The following ANKS1B variants were observed in gnomAD, a reference collection of about 807,000 sequenced individuals.
ANKS1B encodes the protein ankyrin repeat and sterile alpha motif domain-containing protein 1B.
In ANKS1B, 36 loss-of-function variants were observed where a neutral mutation model predicts 148.3. The observed-to-expected ratio is 0.24, with a 90% CI of 0.19 to 0.32. The LOEUF is 0.32. Ranked by LOEUF, ANKS1B falls within the 10% of genes least tolerant of loss-of-function variation. ANKS1B has a pLI of 1.00. For missense variants in ANKS1B, 1,157 were observed against 1,542.6 expected (o/e 0.75, Z 4.19); for synonymous variants, 542 against 560.8 (o/e 0.97, Z 0.47).
intron 14 of ANKS1B, among the ~76,000 whole-genome samples, chr12:99,213,700 T>C (rs2083696826): frequency 6.6e-6 from 1 of 152,206 alleles, no homozygotes; most frequent in Non-Finnish European, 1.5e-5. Context: ...ATTTCACCAG[T>C]TCTAACATGC....
chr12:99,591,571 C>T lies in ANKS1B; in HGVS notation c.1272+63496G>A, dbSNP rs529306819. On this transcript the variant is annotated intron_variant, in intron 9 of 26. Transcript: ENST00000683438. ...AGGGTAACTATTTTTCCAGTAAATA[C>T]CATAGTGTGGACTCTTGAGAGACCA... 2.4e-4 allele frequency among the ~76,000 whole-genome samples: 36 copies of T among 152,046 alleles called. No homozygotes were observed. In the South Asian group the frequency reaches 5.8e-3, roughly 25 times the overall value.
intron 1 of ANKS1B, among the ~76,000 whole-genome samples, chr12:99,837,321 C>T (rs375071984): frequency 1.1e-4 from 16 of 152,276 alleles, no homozygotes; most frequent in African/African-American, 3.4e-4. Context: ...TATAGGATAA[C>T]AGATTTGTGT....
chr12:99,655,435 A>G (rs11109979), intron 8 of ANKS1B, among the ~76,000 whole-genome samples: 20,088 of 152,092 alleles, frequency 0.13, 1,985 homozygotes, highest in East Asian at 0.45. Context: ...AAAATAATAT[A>G]TGAAGTTCAT....
intron 9 of ANKS1B, among the ~76,000 whole-genome samples, chr12:99,526,225 T>C (rs984929336): frequency 6.6e-6 from 1 of 152,202 alleles, no homozygotes; most frequent in Non-Finnish European, 1.5e-5. Flanking sequence ...AAAGTGTGAA[T>C]TGATGTAAAC....
intron 17 of ANKS1B, among the ~76,000 whole-genome samples, chr12:98,901,576 G>T (rs2099772139): frequency 6.6e-6 from 1 of 152,236 alleles, no homozygotes; most frequent in Non-Finnish European, 1.5e-5. Flanking sequence ...TCATGACATT[G>T]TGGAACTTTA....
intron 12 of ANKS1B, among the ~76,000 whole-genome samples, chr12:99,383,502 T>C (rs1215504311): frequency 1.3e-5 from 2 of 152,240 alleles, no homozygotes; most frequent in Admixed American, 6.5e-5. Flanking sequence ...GACCATATCA[T>C]GTTCTCACTT....
chr12:98,964,937 A>G (rs1235139240), intron 17 of ANKS1B, among the ~76,000 whole-genome samples: 1 of 152,230 alleles, frequency 6.6e-6, no homozygotes, highest in African/African-American at 2.4e-5. Context: ...ACTATAGTCA[A>G]CAATAATTTA....
chr12:99,597,612 C>A (rs112222584), intron 9 of ANKS1B, among the ~76,000 whole-genome samples: 3,117 of 152,044 alleles, frequency 0.021, 90 homozygotes, highest in African/African-American at 0.071. Context: ...AGCAGAATGT[C>A]CAAAAGGTGA....
intron 9 of ANKS1B, among the ~76,000 whole-genome samples, chr12:99,600,748 T>G (rs1401104471): frequency 6.6e-6 from 1 of 152,052 alleles, no homozygotes; most frequent in African/African-American, 2.4e-5. Context: ...CTTAATCTAA[T>G]CTAAACTGCA....
chr12:98,886,394 T>C (rs1203052071), intron 17 of ANKS1B, among the ~76,000 whole-genome samples: 3 of 152,180 alleles, frequency 2.0e-5, no homozygotes, highest in Non-Finnish European at 2.9e-5. Flanking sequence ...ACACTTCTGA[T>C]AGTTGAATTA....
intron 12 of ANKS1B, among the ~76,000 whole-genome samples, chr12:99,322,485 A>G (rs1264956082): frequency 6.6e-6 from 1 of 151,874 alleles, no homozygotes; most frequent in Non-Finnish European, 1.5e-5. Flanking sequence ...AGTAAAAAAA[A>G]AAAAAAAAGA....
At chr12:98,769,542 T>A (rs987458245) in intron 25 of ANKS1B, among the ~76,000 whole-genome samples, 9 of 152,192 alleles carry the variant, frequency 5.9e-5, no homozygotes, top group African/African-American at 2.2e-4. Flanking sequence ...AAGGCAATTC[T>A]CTACATGTTT....
At chr12:99,541,618 T>C (rs1483450243) in intron 9 of ANKS1B, among the ~76,000 whole-genome samples, 3 of 152,066 alleles carry the variant, frequency 2.0e-5, no homozygotes, top group South Asian at 4.1e-4. Flanking sequence ...CCCAGCACTT[T>C]GGGAGGTGAG....
At chr12:98,863,007 A>G (rs1171287328) in intron 17 of ANKS1B, among the ~76,000 whole-genome samples, 1 of 152,188 alleles carries the variant, frequency 6.6e-6, no homozygotes, top group Non-Finnish European at 1.5e-5. Context: ...CTCCTGACAC[A>G]TTTACAACAG....
At chr12:99,305,681 G>T (rs1475554100) in intron 12 of ANKS1B, among the ~76,000 whole-genome samples, 3 of 152,174 alleles carry the variant, frequency 2.0e-5, no homozygotes, top group Non-Finnish European at 2.9e-5. Context: ...TCAAATAGGG[G>T]ATTCTCTCTA....
chr12:98,875,250 G>T (rs1299930786), intron 17 of ANKS1B, among the ~76,000 whole-genome samples: 1 of 152,120 alleles, frequency 6.6e-6, no homozygotes, highest in Non-Finnish European at 1.5e-5. Context: ...ATTATTACCA[G>T]AGCCCAGTAT....
At chr12:99,848,714 C>T (rs1403278165) in intron 1 of ANKS1B, among the ~76,000 whole-genome samples, 1 of 151,770 alleles carries the variant, frequency 6.6e-6, no homozygotes, top group Admixed American at 6.6e-5. Flanking sequence ...AGACAGATTA[C>T]AAGCCTAAAT....
intron 9 of ANKS1B, among the ~76,000 whole-genome samples, chr12:99,507,682 A>G (rs2096725165): frequency 6.6e-6 from 1 of 151,918 alleles, no homozygotes; most frequent in Non-Finnish European, 1.5e-5. Context: ...AGGGAAGGTG[A>G]GGCCCCCGCG....
chr12:99,223,256 C>T (rs2085384828), intron 14 of ANKS1B, among the ~76,000 whole-genome samples: 1 of 152,162 alleles, frequency 6.6e-6, no homozygotes, highest in African/African-American at 2.4e-5. Flanking sequence ...GTCTTTTTGG[C>T]ATCAGGGACC....
Sources: gnomAD v4.1 joint callset for allele counts (sites outside exome capture counted in the v4.1 genomes callset) on GRCh38, gnomAD v4.1.1 for gene constraint, MANE v1.5 for transcripts, NCBI Gene and HGNC (gene_info 2026-07-23, HGNC 2026-07-21) for gene names.